Variants in PEX10 observed in about 807,000 individuals in gnomAD.
The protein encoded by PEX10 is peroxisomal biogenesis factor 10, also known as peroxisome biogenesis factor 10.
PEX10 carries 32 observed loss-of-function variants against 38.0 expected under a neutral mutation model. The observed-to-expected ratio is 0.84, with a 90% CI of 0.63 to 1.13. PEX10 has a LOEUF of 1.13. Among genes scored for constraint, PEX10 ranks in the 50% most tolerant of loss-of-function variants. The pLI is 0.00. For synonymous variants in PEX10, 206 were observed against 207.3 expected, an observed-to-expected ratio of 0.99 and a Z score of 0.05; for missense variants, 483 against 457.7, an observed-to-expected ratio of 1.06 and a Z score of -0.51.
In PEX10 at chr1:2,410,673, T is replaced by C; in HGVS notation, c.113-222A>G. 2 of 612,692 alleles carry C rather than the reference T, an allele frequency of 3.3e-6. No individual in the cohort carries two copies. The highest frequency in any genetic ancestry group is 3.0e-6 in the Non-Finnish European group (1 of 327,888). The allele number at this position is 612,692 out of a possible 1,614,324, so 38.0% of individuals were successfully genotyped here. A position where few individuals can be genotyped will look rare whatever the true frequency, so the allele number is the denominator to read the frequency against. On this transcript the variant is annotated intron_variant, in intron 1 of 5. Transcript: ENST00000447513. This position sits in a 1 kb window ranked among gnomAD's most constrained non-coding sequence, Gnocchi z 5.1. ...CAGTCTGCGAAGAATCTCCCACCTG[T>C]GCTCATCTCTTGCTCCGGGATTCCC... is the stretch of plus-strand genomic sequence containing the variant.
Position 2,409,186 on chromosome 1 carries a change from C to G in PEX10, c.194-328G>C, listed in dbSNP as rs889334539. ...CCCTAGCTGTCCCCGCCACCTCCCC[C>G]AGCCCAAGCACTCGGATCCAGTCCC... is the stretch of plus-strand genomic sequence containing the variant. On this transcript the variant is annotated intron_variant, in intron 2 of 5. Transcript: ENST00000447513. This position sits in a 1 kb window ranked among gnomAD's most constrained non-coding sequence, Gnocchi z 6.2. Among the ~76,000 whole-genome samples the G allele has an allele frequency of 6.6e-6, 1 of 152,154 alleles. No individual in the cohort carries two copies. Among genetic ancestry groups the G allele is most frequent in the Non-Finnish European group, 1.5e-5 (1 of 68,016 alleles).
In PEX10 at chr1:2,408,464, C is replaced by T. The variant is rs766103610; in HGVS notation, c.588G>A (p.Thr196=). 3.2e-5 allele frequency: 51 copies of T among 1,612,862 alleles called. No homozygotes were observed. Among genetic ancestry groups the T allele is most frequent in the Admixed American group, 8.3e-5 (5 of 60,008 alleles). The change falls in exon 3 of 6, where the codon ACG becomes ACA. Residue 196 remains threonine (T), a synonymous_variant. Transcript: ENST00000447513. The part of the protein sequence containing the change: ...GVFYHLAKRL[T]GITYLRVRSL... ...GCCTGCTACTTACGTACGTGATCCC[C>T]GTGAGCCTCTTGGCCAGGTGGTAGA... is the stretch of plus-strand genomic sequence containing the variant.
rs756029304 is a variant in PEX10 at position 2,410,467 on chromosome 1, G to A, written c.113-16C>T. 6.2e-7 allele frequency: 1 copy of A among 1,612,084 alleles called. No individual in the cohort carries two copies. The highest frequency in any genetic ancestry group is 1.3e-5 in the African/African-American group (1 of 74,918). On this transcript the variant is annotated splice_polypyrimidine_tract_variant and intron_variant, in intron 1 of 5. Coordinates refer to ENST00000447513, the MANE Select transcript of PEX10 (RefSeq NM_002617.4). The surrounding 1 kb of genome is among the most constrained non-coding windows in gnomAD (Gnocchi z 5.1). ...TTCCTCGCACCTGAGAGGAGAAACA[G>A]TATTAGTCCGGGGGAGCTGGTGGGC...
In PEX10 at chr1:2,405,738, C is replaced by T; in HGVS notation, c.*28G>A. The T allele has an allele frequency of 1.3e-6, 2 of 1,580,520 alleles. No individual in the cohort carries two copies. Among genetic ancestry groups the T allele is most frequent in the Admixed American group, 1.8e-5 (1 of 56,128 alleles). On this transcript the variant is annotated 3_prime_UTR_variant, in exon 6 of 6. Coordinates refer to ENST00000447513, the MANE Select transcript of PEX10 (RefSeq NM_002617.4). Reference sequence around the variant, plus strand: ...GCGTTCAGACTCCCGTAGAGGTCATCTGTGTCCAGGCCCACCCGGGCGCCG... The same window carrying T: ...GCGTTCAGACTCCCGTAGAGGTCATTTGTGTCCAGGCCCACCCGGGCGCCG...
chr1:2,409,946 G>T lies in PEX10; in HGVS notation c.193+425C>A, dbSNP rs549491284. ...GGTGGTCCTTGCTACATGCTGAGCT[G>T]GGGTTGGGAGCCTGAGAGCTTCTGT... On this transcript the variant is annotated intron_variant, in intron 2 of 5. Transcript: ENST00000447513. This position sits in a 1 kb window ranked among gnomAD's most constrained non-coding sequence, Gnocchi z 6.2. 4.8e-5 allele frequency: 12 copies of T among 250,740 alleles called. No individual in the cohort carries two copies. In the South Asian group the frequency reaches 5.5e-4, roughly 11 times the overall value. 15.5% of individuals were successfully genotyped at this position (250,740 alleles called of 1,614,324 possible).
rs572188523 is a variant in PEX10 at position 2,409,375 on chromosome 1, C to G, written c.194-517G>C. On this transcript the variant is annotated intron_variant, in intron 2 of 5. Transcript: ENST00000447513. This position sits in a 1 kb window ranked among gnomAD's most constrained non-coding sequence, Gnocchi z 6.2. ...CTGCCGAGACAGCTTTCAGCGCCCC[C>G]ACCCAGAAAAGCCTGCTCCCCGTTT... Among the ~76,000 whole-genome samples the G allele has an allele frequency of 6.6e-6, 1 of 152,212 alleles. No individual in the cohort carries two copies. The highest frequency in any genetic ancestry group is 1.5e-5 in the Non-Finnish European group (1 of 68,044).
upstream of PEX10, among the ~76,000 whole-genome samples, chr1:2,413,289 TTCCACCC>T (rs570780407): frequency 2.6e-5 from 4 of 152,338 alleles, no homozygotes; most frequent in East Asian, 3.9e-4. Flanking sequence ...GAAGGTGGCC[TTCCACCC>T]TCCACCCTCC....
chr1:2,410,309 ACCGTCC>A lies in PEX10; in HGVS notation c.193+56_193+61del. The A allele has an allele frequency of 2.1e-6, 3 of 1,444,306 alleles. No individual in the cohort carries two copies. In the Admixed American group the frequency reaches 5.0e-5, roughly 24 times the overall value. 89.5% of individuals were successfully genotyped at this position (1,444,306 alleles called of 1,614,324 possible). A position where few individuals can be genotyped will look rare whatever the true frequency, so the allele number is the denominator to read the frequency against. ...CACACTGCCTGGCAGCCCCCTGGCC[ACCGTCC>A]CCAGACTTGGTGTGTGTGGCTGCCC... On this transcript the variant is annotated intron_variant, in intron 2 of 5. Transcript: ENST00000447513. The surrounding 1 kb of genome is among the most constrained non-coding windows in gnomAD (Gnocchi z 5.1).
chr1:2,411,598 G>A (rs1403571607), intron 1 of PEX10, among the ~76,000 whole-genome samples: 1 of 151,780 alleles, frequency 6.6e-6, no homozygotes, highest in Non-Finnish European at 1.5e-5. Flanking sequence ...GGAGTGCAGC[G>A]GCACAATCAT....
rs372509245 is a variant in PEX10, at chr1:2,406,747, C to T, written c.749G>A (p.Arg250Lys). 1.4e-4 allele frequency: 225 copies of T among 1,609,482 alleles called. 1 individual carries two copies. Among genetic ancestry groups the T allele is most frequent in the Non-Finnish European group, 1.8e-4 (216 of 1,178,612 alleles). ...GCGGTGAGACAGGCCGCGGTGCAGC[C>T]TCCACTCCTTCCTGGCTCGCTGCCG... ...RQRQRARKEW[R>K]LHRGLSHRRA... The change falls in exon 4 of 6, where the codon AGG becomes AAG. Residue 250 changes from arginine (R) to lysine (K), a missense_variant. Arg to Lys is a conservative substitution (Grantham distance 26). Transcript: ENST00000447513.
rs1487189645 is a variant in PEX10 at position 2,409,827 on chromosome 1, A to G, written c.193+544T>C. On this transcript the variant is annotated intron_variant, in intron 2 of 5. Transcript: ENST00000447513. This position sits in a 1 kb window ranked among gnomAD's most constrained non-coding sequence, Gnocchi z 6.2. ...CCCTCACTTCCCAAGATGCTCTGTG[A>G]CGCAGCCACATCTGTCTCCCGCCCA... 6.2e-6 allele frequency: 1 copy of G among 160,872 alleles called. No homozygotes were observed. The highest frequency in any genetic ancestry group is 1.4e-5 in the Non-Finnish European group (1 of 73,178). 10.0% of individuals were successfully genotyped at this position (160,872 alleles called of 1,614,324 possible).
chr1:2,413,337 C>G (rs1275190332), upstream of PEX10, among the ~76,000 whole-genome samples: 2 of 152,238 alleles, frequency 1.3e-5, no homozygotes, highest in Non-Finnish European at 2.9e-5. Flanking sequence ...CGCAGGTGCT[C>G]TGGGGAACCA....
chr1:2,413,295 C>T (rs937626554), upstream of PEX10, among the ~76,000 whole-genome samples: 5 of 152,234 alleles, frequency 3.3e-5, no homozygotes, highest in Non-Finnish European at 1.5e-5. Context: ...GGCCTTCCAC[C>T]CTCCACCCTC....
In PEX10 at chr1:2,412,482, G is replaced by A. The variant is rs1296095268; in HGVS notation, c.21C>T (p.Ser7=). MAPAAA[S]PPEVIRAAQK... is the part of the protein sequence containing the mutation. ...GCGCCGCGCGGATCACCTCCGGGGGGCTGGCGGCGGCCGGGGCCATGGCCG... is the reference window on the plus strand; with the variant it reads ...GCGCCGCGCGGATCACCTCCGGGGGACTGGCGGCGGCCGGGGCCATGGCCG... Residue 7 remains serine, a synonymous_variant, in exon 1 of 6, where the codon AGC becomes AGT. Coordinates refer to ENST00000447513, the MANE Select transcript of PEX10 (RefSeq NM_002617.4). 8 of 1,383,880 alleles carry A rather than the reference G, an allele frequency of 5.8e-6. No homozygotes were observed. Among genetic ancestry groups the A allele is most frequent in the African/African-American group, 1.5e-5 (1 of 66,146 alleles). 85.7% of individuals were successfully genotyped at this position (1,383,880 alleles called of 1,614,324 possible).
In PEX10 at chr1:2,408,441, C is replaced by A. The variant is rs1643078460; in HGVS notation, c.600+11G>T. On this transcript the variant is annotated intron_variant, in intron 3 of 5. Transcript: ENST00000447513. ...GCCTAAGCAGCTGTGCCCTCAGCGC[C>A]TGCTACTTACGTACGTGATCCCCGT... 9 of 1,612,796 alleles carry A rather than the reference C, an allele frequency of 5.6e-6. No individual in the cohort carries two copies. Among genetic ancestry groups the A allele is most frequent in the Non-Finnish European group, 7.6e-6 (9 of 1,179,948 alleles).
intron 3 of PEX10, 46 bp downstream of exon 3, chr1:2,408,406 G>A: frequency 6.2e-7 from 1 of 1,606,702 alleles, no homozygotes; most frequent in Non-Finnish European, 8.5e-7. Context: ...CAGTGGGGGT[G>A]ACAAGGACGG....
chr1:2,406,885 C>G lies in PEX10; in HGVS notation c.611G>C (p.Arg204Pro). ...RLTGITYLRV[R>P]SLPGEDLRAR... is the part of the protein sequence containing the mutation. ...CCTCAGGTCCTCTCCGGGCAGGCTGCGGACACGGAGCTGTAAGGCAGATGG... is the reference window on the plus strand; with the variant it reads ...CCTCAGGTCCTCTCCGGGCAGGCTGGGGACACGGAGCTGTAAGGCAGATGG... Residue 204 changes from arginine to proline, a missense_variant, in exon 4 of 6, where the codon CGC (arginine) becomes CCC (proline). Coordinates refer to ENST00000447513, the MANE Select transcript of PEX10 (RefSeq NM_002617.4). 2 of 1,608,462 alleles carry G rather than the reference C, an allele frequency of 1.2e-6. No individual in the cohort carries two copies. Among genetic ancestry groups the G allele is most frequent in the African/African-American group, 2.7e-5 (2 of 74,952 alleles).
intron 5 of PEX10, 126 bp downstream of exon 5, chr1:2,406,358 G>A: frequency 1.6e-6 from 2 of 1,275,444 alleles, no homozygotes; most frequent in South Asian, 1.2e-5. Flanking sequence ...TTAAAAAGAT[G>A]CCCACCTCTG....
upstream of PEX10, chr1:2,413,720 G>T: frequency 6.6e-6 from 1 of 152,460 alleles, no homozygotes. Flanking sequence ...GGGCGTCTGC[G>T]CCCCGCTGAC....
Sources: gnomAD v4.1 joint callset for allele counts (sites outside exome capture counted in the v4.1 genomes callset) on GRCh38, gnomAD v4.1.1 for gene constraint, Gnocchi (gnomAD v3.1) non-coding constraint, MANE v1.5 for transcripts, NCBI Gene and HGNC (gene_info 2026-07-23, HGNC 2026-07-21) for gene names.